The following LTBR variants were observed in gnomAD, a reference collection of about 807,000 sequenced individuals.
The protein encoded by LTBR is tumor necrosis factor receptor superfamily member 3.
LTBR carries 15 observed loss-of-function variants against 45.4 expected under a neutral mutation model. The observed-to-expected ratio is 0.33, with a 90% CI of 0.22 to 0.51. The LOEUF is 0.51. Among genes scored for constraint, LTBR ranks in the 20% least tolerant of loss-of-function variants. LTBR has a pLI of 0.97. For missense variants in LTBR, 450 were observed against 565.5 expected (o/e 0.80, Z 2.07); for synonymous variants, 228 against 231.0 (o/e 0.99, Z 0.12).
At chr12:6,382,556 C>T (rs993425889), upstream of LTBR, among the ~76,000 whole-genome samples, 16 of 152,234 alleles carry the variant, frequency 1.1e-4, no homozygotes, top group African/African-American at 3.4e-4. Context: ...AGCAGCCCCG[C>T]GCAGTGCATG....
intron 4 of LTBR, 86 bp downstream of exon 4, chr12:6,385,465 C>A: frequency 3.5e-6 from 5 of 1,415,552 alleles, no homozygotes; most frequent in Non-Finnish European, 3.8e-6. Flanking sequence ...GTACTGTGTC[C>A]ACGGCGACCC....
chr12:6,382,572 C>A (rs11608700), upstream of LTBR, among the ~76,000 whole-genome samples: 1 of 152,248 alleles, frequency 6.6e-6, no homozygotes. Context: ...GCATGCTGTT[C>A]TGATACTTCT....
At chr12:6,385,435 A>G (rs935836096) in intron 4 of LTBR, 56 bp downstream of exon 4, 24 of 1,592,622 alleles carry the variant, frequency 1.5e-5, no homozygotes, top group Non-Finnish European at 2.0e-5. Context: ...CAGGGATCTC[A>G]AGTGGGAGCA....
chr12:6,375,815 G>A (rs1410906674), intron 1 of LTBR: 1 of 1,366,336 alleles, frequency 7.3e-7, no homozygotes, highest in Admixed American at 3.4e-5. Context: ...ACAGCTAGGA[G>A]GGCAACACAA....
upstream of LTBR, among the ~76,000 whole-genome samples, chr12:6,380,556 T>G (rs1422131456): frequency 6.6e-6 from 1 of 152,054 alleles, no homozygotes; most frequent in South Asian, 2.1e-4. Context: ...TGTTGGCGCA[T>G]GCCTGTAGTC....
intron 1 of LTBR, 25 bp downstream of exon 1, chr12:6,384,479 G>A (rs1312644021): frequency 3.2e-6 from 5 of 1,572,962 alleles, no homozygotes; most frequent in Admixed American, 1.9e-5. Flanking sequence ...TGGTAGGAGT[G>A]GGCGAGGGTG....
At chr12:6,390,001 G>A (rs937527108) in intron 8 of LTBR, 111 bp from the exon 9 acceptor site, 162 of 737,714 alleles carry the variant, frequency 2.2e-4, no homozygotes, top group Middle Eastern at 6.1e-4. Flanking sequence ...GAGAGAGAAA[G>A]GAAGGAAGGA....
At chr12:6,382,270 G>C (rs1948991946), upstream of LTBR, among the ~76,000 whole-genome samples, 1 of 152,188 alleles carries the variant, frequency 6.6e-6, no homozygotes, top group African/African-American at 2.4e-5. Flanking sequence ...ATAATAATGA[G>C]GGATTTGAAG....
At chr12:6,381,002 G>T (rs1232462569), upstream of LTBR, among the ~76,000 whole-genome samples, 1 of 152,140 alleles carries the variant, frequency 6.6e-6, no homozygotes, top group Non-Finnish European at 1.5e-5. Context: ...ATCCTCCTGG[G>T]GATGGCTGGG....
In LTBR at chr12:6,377,895, G is replaced by A. The variant is rs377573008; in HGVS notation, c.39+2301G>A. 1.8e-4 allele frequency among the ~76,000 whole-genome samples: 28 copies of A among 152,336 alleles called. No homozygotes were observed. The East Asian group carries it at 2.5e-3, about 14-fold the overall frequency. On this transcript the variant is annotated intron_variant, in intron 1 of 9. Transcript: ENST00000539925. ...GGTGGTGACCCTGCCACGTCCTGCC[G>A]GGTATGGGAGTGGCAATGCGAGCCT...
upstream of LTBR, chr12:6,384,021 C>CGG (rs1163179493): frequency 3.2e-5 from 38 of 1,171,890 alleles, no homozygotes; most frequent in Middle Eastern, 3.4e-4. Flanking sequence ...TCCGGCCCCG[C>CGG]GGCCCTCACG....
intron 8 of LTBR, 70 bp from the exon 9 acceptor site, chr12:6,390,038 AGAGG>A (rs1949093012): frequency 2.5e-5 from 22 of 875,890 alleles, no homozygotes; most frequent in Middle Eastern, 2.3e-4. Flanking sequence ...GAGAGAAAGA[AGAGG>A]GAGGGAGGGA....
chr12:6,382,550 GC>G (rs1043522451), upstream of LTBR, among the ~76,000 whole-genome samples: 1 of 152,224 alleles, frequency 6.6e-6, no homozygotes, highest in Non-Finnish European at 1.5e-5. Flanking sequence ...AGGCTCAGCA[GC>G]CCCGCGCAGT....
At position 6,376,409 on chromosome 12, in the gene LTBR, A is replaced by G. The variant is rs72645148; in HGVS notation, c.39+815A>G. Among the ~76,000 whole-genome samples the G allele has an allele frequency of 3.3e-3, 504 of 152,300 alleles. 3 individuals carry two copies. The highest frequency in any genetic ancestry group is 0.012 in the African/African-American group (482 of 41,562). Reference sequence around the variant, plus strand: ...GTCACAGAGTTGCAGGAATGTGGGCAACCAGAGGCAGCGCGAGGGCCACGC... The same window carrying G: ...GTCACAGAGTTGCAGGAATGTGGGCGACCAGAGGCAGCGCGAGGGCCACGC... On this transcript the variant is annotated intron_variant, in intron 1 of 9. Transcript: ENST00000539925.
intron 2 of LTBR, 63 bp from the exon 3 acceptor site, chr12:6,384,959 A>G: frequency 6.2e-7 from 1 of 1,603,196 alleles, no homozygotes; most frequent in Non-Finnish European, 8.5e-7. Context: ...GTCACACTAC[A>G]GGCAGCGGAG....
Position 6,385,395 on chromosome 12 carries a change from G to A in LTBR, c.472+16G>A, listed in dbSNP as rs1371629909. The A allele has an allele frequency of 1.9e-6, 3 of 1,612,904 alleles. No individual in the cohort carries two copies. The highest frequency in any genetic ancestry group is 2.2e-5 in the East Asian group (1 of 44,860). ...GAGCTCAAAGGTCAGAGGTCCCTGA[G>A]GGGCTGGATGTGAAAAGGAGGCTGG... On this transcript the variant is annotated intron_variant, in intron 4 of 9. Transcript: ENST00000228918.
chr12:6,376,776 C>T (rs897794179), intron 1 of LTBR, among the ~76,000 whole-genome samples: 25 of 152,074 alleles, frequency 1.6e-4, no homozygotes, highest in African/African-American at 6.0e-4. Flanking sequence ...CGCTTCCTCA[C>T]GGGCCCCACA....
Position 6,390,976 on chromosome 12 carries a change from G to A in LTBR, c.*39G>A, listed in dbSNP as rs1041587893. Reference sequence around the variant, plus strand: ...AAGGCAGAAGAAGGGGGGCACAAGGGCACCTTCTCCCTTGAGGCTGCCCTG... The same window carrying A: ...AAGGCAGAAGAAGGGGGGCACAAGGACACCTTCTCCCTTGAGGCTGCCCTG... On this transcript the variant is annotated 3_prime_UTR_variant, in exon 10 of 10. Coordinates refer to ENST00000228918, the MANE Select transcript of LTBR (RefSeq NM_002342.3). The A allele has an allele frequency of 3.3e-6, 5 of 1,500,034 alleles. No individual in the cohort carries two copies. Among genetic ancestry groups the A allele is most frequent in the Admixed American group, 4.2e-5 (2 of 47,524 alleles). 92.9% of individuals were successfully genotyped at this position (1,500,034 alleles called of 1,614,324 possible).
In LTBR at chr12:6,390,769, T is replaced by C. The variant is rs202215602; in HGVS notation, c.1140T>C (p.Ala380=). 7.4e-5 allele frequency: 118 copies of C among 1,584,800 alleles called. No individual in the cohort carries two copies. The African/African-American group carries it at 1.3e-3, about 17-fold the overall frequency. ...CACCGGGTCCTGGAGACCTCCCAGC[T>C]ACCCCCGAACCTCCATACCCCATTC... ...GGPPGPGDLP[A]TPEPPYPIPE... Residue 380 remains alanine (A), a synonymous_variant, in exon 10 of 10, where the codon GCT becomes GCC. Transcript: ENST00000228918.
Sources: gnomAD v4.1 joint callset for allele counts (sites outside exome capture counted in the v4.1 genomes callset) on GRCh38, gnomAD v4.1.1 for gene constraint, MANE v1.5 for transcripts, NCBI Gene and HGNC (gene_info 2026-07-23, HGNC 2026-07-21) for gene names.